The following RYR2 variants were observed in gnomAD, a reference collection of about 807,000 sequenced individuals.
RYR2 encodes the protein cardiac muscle ryanodine receptor-calcium release channel.
RYR2 carries 227 observed loss-of-function variants against 601.1 expected under a neutral mutation model. The observed-to-expected ratio is 0.38, with a 90% CI of 0.34 to 0.42. The LOEUF is 0.42. RYR2 is among the 10% of genes least tolerant of loss of function. RYR2 has a pLI of 1.00. For synonymous variants in RYR2, 2,223 were observed against 2,175.1 expected, an observed-to-expected ratio of 1.02 and a Z score of -0.61; for missense variants, 4,646 against 6,156.5, an observed-to-expected ratio of 0.75 and a Z score of 8.21.
intron 34 of RYR2, among the ~76,000 whole-genome samples, chr1:237,597,982 A>G (rs1676071779): frequency 6.6e-6 from 1 of 152,228 alleles, no homozygotes; most frequent in African/African-American, 2.4e-5. Context: ...GAAGGGATGG[A>G]AAAAGATTTT....
chr1:237,165,748 T>C (rs947011713), intron 1 of RYR2, among the ~76,000 whole-genome samples: 4 of 151,988 alleles, frequency 2.6e-5, no homozygotes, highest in Admixed American at 6.6e-5. Context: ...GTGCCTGTAG[T>C]CCCAGCTACT....
chr1:237,065,031 C>T (rs1290372048), intron 1 of RYR2, among the ~76,000 whole-genome samples: 1 of 151,950 alleles, frequency 6.6e-6, no homozygotes, highest in African/African-American at 2.4e-5. Flanking sequence ...TTAACTTGTT[C>T]TTAAGAAACT....
chr1:237,744,698 T>C (rs1052700197), intron 80 of RYR2, among the ~76,000 whole-genome samples: 1 of 141,594 alleles, frequency 7.1e-6, no homozygotes, highest in African/African-American at 2.6e-5. Flanking sequence ...GTGTAAACTA[T>C]TCTACTTTGC....
In RYR2 at chr1:237,666,506, A is replaced by T; in HGVS notation, c.8437-6A>T. On this transcript the variant is annotated splice_polypyrimidine_tract_variant and splice_region_variant and intron_variant, in intron 56 of 104. Coordinates refer to ENST00000366574, the MANE Select transcript of RYR2 (RefSeq NM_001035.3). ...GAGGCACTGTTTTTTCACACAAATG[A>T]TCTAGGTTTCTGTGGACGCTGCCCA... 6.2e-7 allele frequency: 1 copy of T among 1,609,544 alleles called. No homozygotes were observed.
In RYR2 at chr1:237,445,526, C is replaced by A; in HGVS notation, c.1292+4C>A. The A allele has an allele frequency of 6.2e-7, 1 of 1,613,144 alleles. No homozygotes were observed. The highest frequency in any genetic ancestry group is 8.5e-7 in the Non-Finnish European group (1 of 1,179,426). ...TCCTTTTCAATAGATTTATAAGGTA[C>A]TTTTTCTTTTGTAGGCGTAGTTGTT... On this transcript the variant is annotated splice_donor_region_variant and intron_variant, in intron 14 of 104. Coordinates refer to ENST00000366574, the MANE Select transcript of RYR2 (RefSeq NM_001035.3).
intron 1 of RYR2, among the ~76,000 whole-genome samples, chr1:237,207,319 A>T (rs1168185532): frequency 2.6e-5 from 4 of 152,190 alleles, no homozygotes; most frequent in African/African-American, 9.6e-5. Context: ...TAATCCCAGC[A>T]CTTTGAGAGG....
At chr1:237,310,566 T>C (rs1694448828) in intron 2 of RYR2, among the ~76,000 whole-genome samples, 1 of 152,174 alleles carries the variant, frequency 6.6e-6, no homozygotes, top group Non-Finnish European at 1.5e-5. Context: ...ACCCTACCTC[T>C]TTCCCCTCCA....
chr1:237,422,520 A>T (rs1705698823), intron 11 of RYR2, among the ~76,000 whole-genome samples: 1 of 152,146 alleles, frequency 6.6e-6, no homozygotes, highest in Non-Finnish European at 1.5e-5. Context: ...GCGTTCTAAT[A>T]ATATAATTGT....
At chr1:237,497,829 C>A (rs184352049) in intron 20 of RYR2, among the ~76,000 whole-genome samples, 68 of 152,026 alleles carry the variant, frequency 4.5e-4, no homozygotes, top group South Asian at 3.3e-3. Flanking sequence ...GTTGTCTAGA[C>A]GAGAGGAAGC....
chr1:237,812,157 G>A (rs1261550717), intron 100 of RYR2, among the ~76,000 whole-genome samples: 2 of 152,150 alleles, frequency 1.3e-5, no homozygotes, highest in African/African-American at 2.4e-5. Context: ...GCTACCAAGA[G>A]TTTGAGTAAC....
At chr1:237,624,835 TA>T (rs1679471485) in intron 39 of RYR2, among the ~76,000 whole-genome samples, 1 of 152,174 alleles carries the variant, frequency 6.6e-6, no homozygotes, top group Non-Finnish European at 1.5e-5. Flanking sequence ...AAGTTATAGA[TA>T]AAAATAATGC....
Position 237,633,649 on chromosome 1 carries a change from G to A in RYR2, c.6627G>A (p.Gln2209=), listed in dbSNP as rs373686520. The change falls in exon 43 of 105, where the codon CAG becomes CAA. Residue 2209 remains glutamine (Q), a synonymous_variant. Transcript: ENST00000366574. The part of the protein sequence containing the change: ...FLCYFCRISR[Q]NQKAMFDHLS... ...GTTACTTCTGTCGTATAAGTAGGCA[G>A]AATCAAAAAGCTATGTTTGATCATC... 22 of 1,613,724 alleles carry A rather than the reference G, an allele frequency of 1.4e-5. No homozygotes were observed. Among genetic ancestry groups the A allele is most frequent in the Non-Finnish European group, 1.7e-5 (20 of 1,179,800 alleles).
chr1:237,789,086 A>AAAAG (rs1388645164), intron 92 of RYR2, among the ~76,000 whole-genome samples: 1 of 151,722 alleles, frequency 6.6e-6, no homozygotes, highest in Non-Finnish European at 1.5e-5. Context: ...ATAAGGGAGG[A>AAAAG]AAAGGATAGG....
intron 3 of RYR2, among the ~76,000 whole-genome samples, chr1:237,346,246 A>G (rs1230252596): frequency 6.6e-6 from 1 of 151,914 alleles, no homozygotes; most frequent in African/African-American, 2.4e-5. Flanking sequence ...ACGTGCCTGT[A>G]GTCCCAGCTA....
At position 237,774,138 on chromosome 1, in the gene RYR2, G is replaced by C. The variant is rs1399059189; in HGVS notation, c.11775+490G>C. On this transcript the variant is annotated intron_variant, in intron 87 of 104. Transcript: ENST00000366574. ...ATATTCTCCTTGGACTAAGCTTCTA[G>C]CCTTAACTTCAGATTTTTTAAAGAT... 7.2e-5 allele frequency among the ~76,000 whole-genome samples: 11 copies of C among 151,970 alleles called. 1 individual carries two copies. Among genetic ancestry groups the C allele is most frequent in the Admixed American group, 7.2e-4 (11 of 15,252 alleles).
rs547650167 is a variant in RYR2 at position 237,374,062 on chromosome 1, A to G, written c.385-655A>G. Among the ~76,000 whole-genome samples the G allele has an allele frequency of 4.6e-5, 7 of 152,338 alleles. No individual in the cohort carries two copies. In the East Asian group the frequency reaches 1.4e-3, roughly 29 times the overall value. ...TTTTATAAGGGAAGAAAAGACTACA[A>G]TTCCTTTAGGATATTGCCCCTAATG... On this transcript the variant is annotated intron_variant, in intron 6 of 104. Coordinates refer to ENST00000366574, the MANE Select transcript of RYR2 (RefSeq NM_001035.3).
intron 2 of RYR2, among the ~76,000 whole-genome samples, chr1:237,289,615 G>T (rs1302098098): frequency 6.6e-6 from 1 of 151,738 alleles, no homozygotes; most frequent in Admixed American, 6.6e-5. Context: ...CCATCACCAT[G>T]ATTCAATTAC....
intron 14 of RYR2, among the ~76,000 whole-genome samples, chr1:237,452,119 ACT>A (rs1160548097): frequency 7.4e-6 from 1 of 134,930 alleles, no homozygotes; most frequent in Non-Finnish European, 1.6e-5. Context: ...GTGTGTGTAT[ACT>A]TCTAATAGTA....
chr1:237,473,402 C>T (rs1023516758), intron 17 of RYR2, among the ~76,000 whole-genome samples: 23 of 110,964 alleles, frequency 2.1e-4, no homozygotes, highest in Non-Finnish European at 3.0e-4. Flanking sequence ...CCAGCCTGGG[C>T]GACAGAACGA....
Sources: allele counts gnomAD v4.1 joint callset (sites outside exome capture counted in the v4.1 genomes callset), GRCh38; gene constraint gnomAD v4.1.1; transcripts MANE v1.5; gene names NCBI Gene and HGNC (gene_info 2026-07-23, HGNC 2026-07-21).